ATF7IP: variants seen among roughly 807,000 people sequenced by gnomAD.
The protein encoded by ATF7IP is activating transcription factor 7-interacting protein 1.
ATF7IP carries 23 observed loss-of-function variants against 106.4 expected under a neutral mutation model. The observed-to-expected ratio is 0.22, with a 90% CI of 0.16 to 0.31. The LOEUF is 0.31. Among genes scored for constraint, ATF7IP ranks in the 10% least tolerant of loss-of-function variants. ATF7IP has a pLI of 1.00. For synonymous variants in ATF7IP, 542 were observed against 539.0 expected (o/e 1.01, Z -0.08); for missense variants, 1,334 against 1,524.3 (o/e 0.88, Z 2.08).
chr12:14,367,803 A>C (rs1169299176), intron 1 of ATF7IP, among the ~76,000 whole-genome samples: 1 of 152,072 alleles, frequency 6.6e-6, no homozygotes, highest in Admixed American at 6.6e-5. Flanking sequence ...ATGTAAACTT[A>C]ATAAGATTAA....
chr12:14,484,959 G>T (rs188598467), intron 13 of ATF7IP, among the ~76,000 whole-genome samples: 33 of 152,204 alleles, frequency 2.2e-4, no homozygotes, highest in Admixed American at 1.4e-3. Context: ...CCAAAGCCCA[G>T]TTAACAGGCC....
chr12:14,487,678 G>A (rs902352920), intron 13 of ATF7IP, among the ~76,000 whole-genome samples: 1 of 152,180 alleles, frequency 6.6e-6, no homozygotes, highest in Non-Finnish European at 1.5e-5. Flanking sequence ...ATAAGAGCTT[G>A]TGTCTGTTTT....
intron 10 of ATF7IP, among the ~76,000 whole-genome samples, chr12:14,473,672 C>A (rs1350636595): frequency 6.6e-6 from 1 of 151,982 alleles, no homozygotes; most frequent in Non-Finnish European, 1.5e-5. Context: ...TGAAGAATGT[C>A]CTTAAGCTCA....
intron 5 of ATF7IP, among the ~76,000 whole-genome samples, chr12:14,443,726 C>G (rs1057148013): frequency 6.6e-6 from 1 of 152,054 alleles, no homozygotes; most frequent in African/African-American, 2.4e-5. Context: ...TTGGGCAATA[C>G]AGTGAGACAG....
intron 1 of ATF7IP, among the ~76,000 whole-genome samples, chr12:14,411,984 A>G (rs1283987085): frequency 6.6e-6 from 1 of 152,104 alleles, no homozygotes; most frequent in Non-Finnish European, 1.5e-5. Context: ...TAGGACTCCA[A>G]CTTCATTCTT....
At chr12:14,388,296 C>G (rs1402268649) in intron 1 of ATF7IP, among the ~76,000 whole-genome samples, 1 of 150,296 alleles carries the variant, frequency 6.7e-6, no homozygotes, top group Non-Finnish European at 1.5e-5. Flanking sequence ...GTGATCTGCC[C>G]GCCTTGGCCT....
At chr12:14,444,990 GT>G (rs1206306341) in intron 5 of ATF7IP, among the ~76,000 whole-genome samples, 139 of 131,520 alleles carry the variant, frequency 1.1e-3, no homozygotes, top group African/African-American at 1.5e-3. Context: ...TAACCACCTA[GT>G]TTTTTTTTTT....
At chr12:14,440,835 T>C (rs1041746481) in intron 5 of ATF7IP, among the ~76,000 whole-genome samples, 2 of 152,256 alleles carry the variant, frequency 1.3e-5, no homozygotes, top group African/African-American at 4.8e-5. Flanking sequence ...TTACCTGTTT[T>C]GCATATTTCA....
At chr12:14,420,644 A>T (rs1941456276) in intron 1 of ATF7IP, among the ~76,000 whole-genome samples, 3 of 149,410 alleles carry the variant, frequency 2.0e-5, no homozygotes, top group South Asian at 4.3e-4. Flanking sequence ...GAAAAAAAAA[A>T]TAAAGAAATA....
At chr12:14,370,849 TAAAG>T (rs1427811486) in intron 1 of ATF7IP, among the ~76,000 whole-genome samples, 1 of 151,894 alleles carries the variant, frequency 6.6e-6, no homozygotes, top group Non-Finnish European at 1.5e-5. Flanking sequence ...AGTCGCAAAA[TAAAG>T]TATTGTACAA....
At chr12:14,373,913 T>G (rs1193193581) in intron 1 of ATF7IP, among the ~76,000 whole-genome samples, 1 of 152,036 alleles carries the variant, frequency 6.6e-6, no homozygotes, top group Non-Finnish European at 1.5e-5. Flanking sequence ...GAATTTCAAA[T>G]TTTTAAAACT....
chr12:14,416,154 A>G (rs1346577720), intron 1 of ATF7IP, among the ~76,000 whole-genome samples: 1 of 152,172 alleles, frequency 6.6e-6, no homozygotes, highest in Admixed American at 6.5e-5. Flanking sequence ...ATTCTCAAGC[A>G]AAATTTAGAA....
intron 13 of ATF7IP, among the ~76,000 whole-genome samples, chr12:14,484,635 C>T (rs1944535611): frequency 6.6e-6 from 1 of 152,164 alleles, no homozygotes; most frequent in Non-Finnish European, 1.5e-5. Context: ...CATCTGTGAA[C>T]CAGGCCCTAG....
intron 1 of ATF7IP, among the ~76,000 whole-genome samples, chr12:14,399,752 A>G (rs1183641260): frequency 1.3e-5 from 2 of 152,092 alleles, no homozygotes; most frequent in African/African-American, 4.8e-5. Context: ...CTATTTTAAA[A>G]TGTCTTCTGT....
intron 6 of ATF7IP, among the ~76,000 whole-genome samples, chr12:14,447,756 C>CACA (rs1943040122): frequency 6.6e-6 from 1 of 152,126 alleles, no homozygotes; most frequent in Non-Finnish European, 1.5e-5. Flanking sequence ...TTCCTGTTCT[C>CACA]CCCTTCCTTT....
rs912580442 is a variant in ATF7IP, at chr12:14,499,704, A to G, written c.*1631A>G. 5.3e-5 allele frequency: 8 copies of G among 152,226 alleles called. No individual in the cohort carries two copies. Among genetic ancestry groups the G allele is most frequent in the African/African-American group, 1.9e-4 (8 of 41,430 alleles). 9.4% of individuals were successfully genotyped at this position (152,226 alleles called of 1,614,324 possible). A position where few individuals can be genotyped will look rare whatever the true frequency, so the allele number is the denominator to read the frequency against. On this transcript the variant is annotated 3_prime_UTR_variant, in exon 15 of 15. Coordinates refer to ENST00000261168, the MANE Select transcript of ATF7IP (RefSeq NM_018179.5). ...GCTGGGCATGTTGGTGCATGCCTGT[A>G]ATCCCAGCTACTCAGGAGGCAAGGC...
rs1286541773 is a variant in ATF7IP, at chr12:14,478,415, C to G, written c.3040C>G (p.Pro1014Ala). The G allele has an allele frequency of 3.1e-6, 5 of 1,614,114 alleles. No homozygotes were observed. The East Asian group carries it at 1.1e-4, about 36-fold the overall frequency. Reference sequence around the variant, plus strand: ...CATACAACCAGCACCGCCTCTTCAACCATCTGGGGTGCCAACAAGTGGACC... The same window carrying G: ...CATACAACCAGCACCGCCTCTTCAAGCATCTGGGGTGCCAACAAGTGGACC... ...QPIQPAPPLQ[P>A]SGVPTSGPSQ... Residue 1014 changes from proline (P) to alanine (A), a missense_variant, in exon 12 of 15, where the codon CCA (proline) becomes GCA (alanine). By Grantham distance (27) the Pro-to-Ala change is conservative (BLOSUM62 -1). This residue lies in a region of ATF7IP where 370 missense variants were observed against 401.2 expected (regional missense o/e 0.92). Coordinates refer to ENST00000261168, the MANE Select transcript of ATF7IP (RefSeq NM_018179.5).
intron 8 of ATF7IP, among the ~76,000 whole-genome samples, chr12:14,460,174 ATTTT>A (rs1943584054): frequency 1.3e-5 from 2 of 152,214 alleles, no homozygotes; most frequent in East Asian, 3.9e-4. Context: ...ACTTTTTAGT[ATTTT>A]TTATTTGTTT....
Position 14,478,291 on chromosome 12 carries a change from CAT to C in ATF7IP, c.2942-24_2942-23del, listed in dbSNP as rs1210075904. 3 of 1,605,288 alleles carry C rather than the reference CAT, an allele frequency of 1.9e-6. No individual in the cohort carries two copies. The African/African-American group carries it at 4.0e-5, about 22-fold the overall frequency. On this transcript the variant is annotated intron_variant, in intron 11 of 14. Transcript: ENST00000261168. ...ATTTCCTGATTTTTTTCTTGTCAGT[CAT>C]AATATTTCACTTTTAACTAACAGAC...
Sources: allele counts gnomAD v4.1 joint callset (sites outside exome capture counted in the v4.1 genomes callset), GRCh38; gene constraint gnomAD v4.1.1; regional missense constraint gnomAD v4.1.1; transcripts MANE v1.5; gene names NCBI Gene and HGNC (gene_info 2026-07-23, HGNC 2026-07-21).